Variants in DMD observed in about 807,000 individuals in gnomAD.
DMD encodes mutant dystrophin.
A neutral mutation model predicts 330.1 loss-of-function variants in DMD; 63 were observed. The ratio of observed to expected loss-of-function variants is 0.19; its 90% CI spans 0.16 to 0.24. The LOEUF (loss-of-function observed/expected upper bound fraction) is 0.24. Ranked by LOEUF, DMD falls within the 10% of genes least tolerant of loss-of-function variation. The pLI is 1.00. For synonymous variants in DMD, 1,223 were observed against 959.8 expected, an observed-to-expected ratio of 1.27 and a Z score of -5.07; for missense variants, 3,344 against 2,684.1, an observed-to-expected ratio of 1.25 and a Z score of -5.43.
At chrX:31,122,169 T>A (rs891443666) in intron 78 of DMD, among the ~76,000 whole-genome samples, 1 of 111,838 alleles carries the variant, frequency 8.9e-6, no homozygotes, top group Non-Finnish European at 1.9e-5. Context: ...TGGATCAGGC[T>A]ACTGGTGTTT....
At chrX:33,220,273 A>G (rs1301635224) in intron 1 of DMD, among the ~76,000 whole-genome samples, 2 of 111,186 alleles carry the variant, frequency 1.8e-5, no homozygotes, top group East Asian at 5.7e-4. Context: ...GAGTGGAGCC[A>G]CTGCCACTAA....
chrX:32,192,895 A>G (rs909096045), intron 44 of DMD, among the ~76,000 whole-genome samples: 2 of 111,782 alleles, frequency 1.8e-5, no homozygotes, highest in African/African-American at 3.3e-5. Context: ...TATCATTTGG[A>G]TATGTGTCCC....
chrX:33,191,433 G>GT lies in DMD; in HGVS notation c.31+19848dup, dbSNP rs1312745526. On this transcript the variant is annotated intron_variant, in intron 1 of 78. Transcript: ENST00000357033. ...GCTTTTTTACTTTTACTTTTTTTTCGTTTTTTTTGAGATAGAGTCTCGCTC... is the reference window on the plus strand; with the variant it reads ...GCTTTTTTACTTTTACTTTTTTTTCGTTTTTTTTTGAGATAGAGTCTCGCTC... 1.3e-3 allele frequency among the ~76,000 whole-genome samples: 127 copies of GT among 99,657 alleles called. 1 individual carries two copies. Among genetic ancestry groups the GT allele is most frequent in the African/African-American group, 3.9e-3 (111 of 28,404 alleles). 86.5% of individuals were successfully genotyped at this position (99,657 alleles called of 115,157 possible). A position where few individuals can be genotyped will look rare whatever the true frequency, so the allele number is the denominator to read the frequency against.
At chrX:32,862,729 C>T in intron 2 of DMD, among the ~76,000 whole-genome samples, 1 of 110,988 alleles carries the variant, frequency 9.0e-6, no homozygotes, top group Non-Finnish European at 1.9e-5. Context: ...TAAAATTGAA[C>T]ATTCTGAAAG....
chrX:32,204,336 A>G (rs2097054490), intron 44 of DMD, among the ~76,000 whole-genome samples: 1 of 112,532 alleles, frequency 8.9e-6, no homozygotes, highest in African/African-American at 3.2e-5. Context: ...TTTCAAAATC[A>G]CATGAAGTCA....
chrX:32,949,383 T>C (rs180777956), intron 2 of DMD, among the ~76,000 whole-genome samples: 33 of 90,442 alleles, frequency 3.6e-4, no homozygotes, highest in African/African-American at 2.0e-3. Context: ...GATAGATAGA[T>C]AGATAGATAG....
At chrX:31,150,947 A>G (rs900243959) in intron 74 of DMD, among the ~76,000 whole-genome samples, 9 of 112,094 alleles carry the variant, frequency 8.0e-5, no homozygotes, top group Non-Finnish European at 1.5e-4. Context: ...GATCTTTTTC[A>G]TCTACAGAAA....
At chrX:32,504,301 A>G (rs184570557) in intron 18 of DMD, among the ~76,000 whole-genome samples, 8 of 112,167 alleles carry the variant, frequency 7.1e-5, no homozygotes, top group Admixed American at 6.6e-4. Context: ...AATTCACTTT[A>G]AAATTTCAAC....
intron 2 of DMD, among the ~76,000 whole-genome samples, chrX:33,012,183 T>G (rs1432674442): frequency 9.0e-6 from 1 of 111,585 alleles, no homozygotes; most frequent in African/African-American, 3.2e-5. Context: ...CTGAGTAATA[T>G]CCTTTGTTAC....
intron 43 of DMD, among the ~76,000 whole-genome samples, chrX:32,217,624 T>C (rs761904188): frequency 9.1e-6 from 1 of 109,893 alleles, no homozygotes; most frequent in Non-Finnish European, 1.9e-5. Context: ...TATTTCAAAA[T>C]AGTGAAAGAG....
intron 48 of DMD, among the ~76,000 whole-genome samples, chrX:31,865,000 C>T (rs1308191224): frequency 3.6e-5 from 4 of 112,152 alleles, no homozygotes; most frequent in African/African-American, 1.3e-4. Flanking sequence ...TAAACAATAT[C>T]GTAAAGCCAG....
At chrX:31,789,968 T>C (rs1161190292) in intron 50 of DMD, among the ~76,000 whole-genome samples, 4 of 111,686 alleles carry the variant, frequency 3.6e-5, no homozygotes, top group Non-Finnish European at 5.7e-5. Flanking sequence ...TAGTTTTGAA[T>C]TGGTAAAATT....
chrX:31,849,641 T>C (rs1199044209), intron 48 of DMD, among the ~76,000 whole-genome samples: 5 of 110,575 alleles, frequency 4.5e-5, no homozygotes, highest in Non-Finnish European at 9.5e-5. Context: ...CTCAGAACTG[T>C]AGTGGAGAAG....
intron 7 of DMD, among the ~76,000 whole-genome samples, chrX:32,722,106 T>C (rs9887452): frequency 0.013 from 1,422 of 110,496 alleles, 36 homozygotes; most frequent in African/African-American, 0.04. Flanking sequence ...TCCAACTTTT[T>C]TTTCCTCAAG....
At chrX:32,618,410 A>G (rs2057744427) in intron 11 of DMD, among the ~76,000 whole-genome samples, 1 of 111,824 alleles carries the variant, frequency 8.9e-6, no homozygotes, top group South Asian at 3.7e-4. Flanking sequence ...ATAACGCAGA[A>G]ACAGAAAACC....
intron 11 of DMD, among the ~76,000 whole-genome samples, chrX:32,627,481 G>GA (rs773962922): frequency 9.4e-6 from 1 of 105,901 alleles, no homozygotes; most frequent in Non-Finnish European, 1.9e-5. Context: ...TTGTGTGTCA[G>GA]AAAAAAAGAG....
chrX:32,718,210 T>G (rs755908298), intron 7 of DMD, among the ~76,000 whole-genome samples: 15 of 111,485 alleles, frequency 1.3e-4, no homozygotes, highest in Non-Finnish European at 2.8e-4. Flanking sequence ...AAATCTCATG[T>G]TGTATTGTGA....
At chrX:31,739,347 T>C (rs2087119501) in intron 51 of DMD, among the ~76,000 whole-genome samples, 1 of 112,457 alleles carries the variant, frequency 8.9e-6, no homozygotes, top group East Asian at 2.8e-4. Context: ...TAAAAATCAC[T>C]GATCATTTGG....
intron 25 of DMD, among the ~76,000 whole-genome samples, chrX:32,458,812 A>G (rs941822164): frequency 9.0e-6 from 1 of 111,662 alleles, no homozygotes; most frequent in African/African-American, 3.2e-5. Context: ...TGACTATTCA[A>G]GTCCTGTGCT....
Sources: gnomAD v4.1 joint callset for allele counts (sites outside exome capture counted in the v4.1 genomes callset) on GRCh38, gnomAD v4.1.1 for gene constraint, MANE v1.5 for transcripts, NCBI Gene and HGNC (gene_info 2026-07-23, HGNC 2026-07-21) for gene names.